Variants in KCTD18 observed in about 807,000 individuals in gnomAD.
The protein encoded by KCTD18 is BTB/POZ domain-containing protein KCTD18.
In KCTD18, 22 loss-of-function variants were observed where a neutral mutation model predicts 30.4. The ratio of observed to expected loss-of-function variants is 0.72; its 90% CI spans 0.52 to 1.03. The LOEUF is 1.03. Among genes scored for constraint, KCTD18 ranks in the 50% least tolerant of loss-of-function variants. The pLI is 0.00. For synonymous variants in KCTD18, 186 were observed against 209.0 expected, an observed-to-expected ratio of 0.89 and a Z score of 0.95; for missense variants, 529 against 547.6, an observed-to-expected ratio of 0.97 and a Z score of 0.34.
intron 1 of KCTD18, among the ~76,000 whole-genome samples, chr2:200,509,346 T>A (rs73987478): frequency 0.033 from 5,047 of 152,144 alleles, 280 homozygotes; most frequent in African/African-American, 0.12. Flanking sequence ...GTTTCACCCC[T>A]ATGGATCCTG....
At chr2:200,502,080 T>C (rs1448578953) in intron 3 of KCTD18, among the ~76,000 whole-genome samples, 4 of 149,874 alleles carry the variant, frequency 2.7e-5, no homozygotes, top group Admixed American at 1.3e-4. Context: ...AGGTGGGAAT[T>C]GAACAATGAG....
intron 6 of KCTD18, 36 bp from the exon 7 acceptor site, chr2:200,490,652 T>TA (rs2087902447): frequency 1.3e-6 from 2 of 1,530,988 alleles, no homozygotes; most frequent in African/African-American, 2.8e-5. Context: ...TCCACATGTA[T>TA]AGTTTTAGTA....
Position 200,490,199 on chromosome 2 carries a change from G to T in KCTD18, c.1182C>A (p.Pro394=), listed in dbSNP as rs142017026. The change falls in exon 7 of 7, where the codon CCC becomes CCA. Residue 394 remains proline, a synonymous_variant. Coordinates refer to ENST00000359878, the MANE Select transcript of KCTD18 (RefSeq NM_152387.4). ...GGGAGTTGGCCTGCCTCGTGGCCGT[G>T]GGGGAGGGCAGGCAAGGCGCGGTGG... ...LCATAPCLPS[P]TATRQANSLK... 4 of 1,613,940 alleles carry T rather than the reference G, an allele frequency of 2.5e-6. No homozygotes were observed. The highest frequency in any genetic ancestry group is 1.1e-5 in the South Asian group (1 of 91,082).
Position 200,490,166 on chromosome 2 carries a change from C to T in KCTD18, c.1215G>A (p.Pro405=), listed in dbSNP as rs368664152. The part of the protein sequence containing the change: ...TATRQANSLK[P]LPGEAARALG... The stretch of plus-strand genomic sequence containing the variant: ...AGGCACGGGCAGCTTCGCCGGGAAG[C>T]GGCTTGAGGGAGTTGGCCTGCCTCG... The change falls in exon 7 of 7, where the codon CCG becomes CCA. Residue 405 remains proline, a synonymous_variant. Coordinates refer to ENST00000359878, the MANE Select transcript of KCTD18 (RefSeq NM_152387.4). The T allele has an allele frequency of 3.1e-6, 5 of 1,610,098 alleles. No homozygotes were observed. The highest frequency in any genetic ancestry group is 1.3e-5 in the African/African-American group (1 of 74,976).
intron 4 of KCTD18, 110 bp downstream of exon 4, chr2:200,498,781 C>T: frequency 1.1e-6 from 1 of 895,852 alleles, no homozygotes. Flanking sequence ...ACTGTGTCTC[C>T]TGAGAGGTGT....
At chr2:200,492,107 C>T (rs1440982935) in intron 6 of KCTD18, among the ~76,000 whole-genome samples, 1 of 152,186 alleles carries the variant, frequency 6.6e-6, no homozygotes, top group East Asian at 1.9e-4. Context: ...CCGTAAACCA[C>T]TCCTGCCTGC....
Position 200,497,803 on chromosome 2 carries a change from A to G in KCTD18, c.611T>C (p.Val204Ala), listed in dbSNP as rs778041918. ...ATCCATCATTTTCTTCAACTCTGCT[A>G]CTGAATAATAGCTCCAAATGTACTG... ...NVQYIWSYYS[V>A]AELKKMMDAF... Residue 204 changes from valine (V) to alanine (A), a missense_variant, in exon 5 of 7, where the codon GTA becomes GCA. By Grantham distance (64) the Val-to-Ala change is moderately conservative (BLOSUM62 0). Coordinates refer to ENST00000359878, the MANE Select transcript of KCTD18 (RefSeq NM_152387.4). The G allele has an allele frequency of 1.9e-5, 30 of 1,612,666 alleles. No homozygotes were observed. The East Asian group carries it at 6.3e-4, about 34-fold the overall frequency.
chr2:200,506,857 C>G lies in KCTD18; in HGVS notation c.160G>C (p.Gly54Arg), dbSNP rs141790775. ...ATGCTTTCAGACTTTAGACATTTAC[C>G]TGACTCATCTGTTTTTAGAGGAAAG... Reference protein sequence around the residue: ...GRFPLKTDESGACVIDRDGRL... With the variant: ...GRFPLKTDESRACVIDRDGRL... Residue 54 changes from glycine (G) to arginine (R), a missense_variant and splice_region_variant, in exon 2 of 7, where the codon GGG (glycine) becomes CGG (arginine). Coordinates refer to ENST00000359878, the MANE Select transcript of KCTD18 (RefSeq NM_152387.4). 1 of 1,612,806 alleles carries G rather than the reference C, an allele frequency of 6.2e-7. No homozygotes were observed. Among genetic ancestry groups the G allele is most frequent in the Non-Finnish European group, 8.5e-7 (1 of 1,179,628 alleles).
rs750040760 is a variant in KCTD18, at chr2:200,492,919, GT to G, written c.764+252del. Among the ~76,000 whole-genome samples the G allele has an allele frequency of 6.1e-5, 6 of 97,988 alleles. No homozygotes were observed. The South Asian group carries it at 8.4e-4, about 14-fold the overall frequency. The allele number at this position is 97,988 out of a possible 152,430, so 64.3% of individuals were successfully genotyped here. ...CACAGCATGCCCACTGTGTCCACTA[GT>G]AATTTTAGAATCACTCTCTCAATAA... On this transcript the variant is annotated intron_variant, in intron 6 of 6. Coordinates refer to ENST00000359878, the MANE Select transcript of KCTD18 (RefSeq NM_152387.4).
intron 6 of KCTD18, among the ~76,000 whole-genome samples, chr2:200,491,707 A>G (rs2087920096): frequency 2.0e-5 from 3 of 152,140 alleles, no homozygotes; most frequent in Non-Finnish European, 4.4e-5. Flanking sequence ...ACCGTCAAAC[A>G]ATCATTGTCA....
intron 3 of KCTD18, among the ~76,000 whole-genome samples, chr2:200,502,782 G>A (rs1318430687): frequency 6.6e-6 from 1 of 152,078 alleles, no homozygotes; most frequent in East Asian, 1.9e-4. Flanking sequence ...TGTAACCCCA[G>A]CACTTTGGGA....
At position 200,490,203 on chromosome 2, in the gene KCTD18, G is replaced by A; in HGVS notation, c.1178C>T (p.Ser393Phe). The change falls in exon 7 of 7, where the codon TCC becomes TTC. Residue 393 changes from serine to phenylalanine, a missense_variant. Transcript: ENST00000359878. ...GTTGGCCTGCCTCGTGGCCGTGGGG[G>A]AGGGCAGGCAAGGCGCGGTGGCGCA... ...PLCATAPCLP[S>F]PTATRQANSL... 1 of 1,614,086 alleles carries A rather than the reference G, an allele frequency of 6.2e-7. No homozygotes were observed.
intron 4 of KCTD18, among the ~76,000 whole-genome samples, chr2:200,498,126 T>C (rs1359882082): frequency 1.3e-5 from 2 of 152,170 alleles, no homozygotes; most frequent in Non-Finnish European, 2.9e-5. Flanking sequence ...ATCTTTAATA[T>C]CAAGTTTTTA....
intron 5 of KCTD18, among the ~76,000 whole-genome samples, chr2:200,495,004 G>C (rs1189875797): frequency 6.6e-6 from 1 of 151,896 alleles, no homozygotes; most frequent in African/African-American, 2.4e-5. Context: ...TCAGTGAGTA[G>C]TATTCCACTG....
chr2:200,500,814 G>A (rs1197113490), intron 3 of KCTD18, among the ~76,000 whole-genome samples: 2 of 151,974 alleles, frequency 1.3e-5, no homozygotes, highest in African/African-American at 2.4e-5. Flanking sequence ...AAAAGAGCCC[G>A]CATCGCCAAG....
chr2:200,497,354 T>A (rs746173422), intron 5 of KCTD18: 1 of 167,280 alleles, frequency 6.0e-6, no homozygotes, highest in Non-Finnish European at 1.3e-5. Flanking sequence ...TTTCAAAGTG[T>A]ACATTTAAAG....
At chr2:200,509,387 C>T (rs943389964) in intron 1 of KCTD18, among the ~76,000 whole-genome samples, 1 of 152,106 alleles carries the variant, frequency 6.6e-6, no homozygotes, top group African/African-American at 2.4e-5. Flanking sequence ...AAGCATCTGT[C>T]CATCTCAAGA....
At chr2:200,505,272 C>T (rs935818957) in intron 2 of KCTD18, among the ~76,000 whole-genome samples, 1 of 152,138 alleles carries the variant, frequency 6.6e-6, no homozygotes, top group African/African-American at 2.4e-5. Flanking sequence ...ATATATATCA[C>T]CAGGGTTGCC....
chr2:200,498,314 C>T (rs563530948), intron 4 of KCTD18, among the ~76,000 whole-genome samples: 2 of 152,236 alleles, frequency 1.3e-5, no homozygotes, highest in South Asian at 2.1e-4. Context: ...CACTAATATT[C>T]GACCCAATCC....
Sources: gnomAD v4.1 joint callset for allele counts (sites outside exome capture counted in the v4.1 genomes callset) on GRCh38, gnomAD v4.1.1 for gene constraint, MANE v1.5 for transcripts, NCBI Gene and HGNC (gene_info 2026-07-23, HGNC 2026-07-21) for gene names.